Variants in ADAMTS19 observed in about 807,000 individuals in gnomAD.
The protein encoded by ADAMTS19 is ADAM metallopeptidase with thrombospondin type 1 motif 19, also known as A disintegrin and metalloproteinase with thrombospondin motifs 19.
ADAMTS19 carries 93 observed loss-of-function variants against 153.3 expected under a neutral mutation model. The ratio of observed to expected loss-of-function variants is 0.61; its 90% CI spans 0.51 to 0.72. The LOEUF (loss-of-function observed/expected upper bound fraction) is 0.72, where lower values mean the gene tolerates loss of function less well. Among genes scored for constraint, ADAMTS19 ranks in the 30% least tolerant of loss-of-function variants. The pLI is 0.00. For synonymous variants in ADAMTS19, 600 were observed against 556.6 expected (o/e 1.08, Z -1.10); for missense variants, 1,482 against 1,552.1 (o/e 0.95, Z 0.76).
chr5:129,473,159 T>C (rs114959522), intron 2 of ADAMTS19, among the ~76,000 whole-genome samples: 1 of 150,432 alleles, frequency 6.6e-6, no homozygotes, highest in Non-Finnish European at 1.5e-5. Flanking sequence ...TATTTGGATG[T>C]CAAATGTCCT....
chr5:129,734,836 A>T, intron 21 of ADAMTS19, 96 bp from the exon 22 acceptor site: 2 of 1,109,714 alleles, frequency 1.8e-6, no homozygotes, highest in Non-Finnish European at 2.4e-6. Context: ...ATTTAATTTT[A>T]AGAAACATTT....
intron 20 of ADAMTS19, among the ~76,000 whole-genome samples, chr5:129,702,945 T>A (rs2545713): frequency 0.37 from 11,530 of 31,050 alleles, 782 homozygotes; most frequent in Non-Finnish European, 0.46. Context: ...AAAAAAAATA[T>A]ATATATATAT....
chr5:129,521,760 G>A (rs1369852274), intron 3 of ADAMTS19, among the ~76,000 whole-genome samples: 1 of 152,112 alleles, frequency 6.6e-6, no homozygotes, highest in Non-Finnish European at 1.5e-5. Flanking sequence ...TTACTACTCA[G>A]TCACATAATT....
intron 21 of ADAMTS19, among the ~76,000 whole-genome samples, chr5:129,727,641 A>C (rs1252375709): frequency 2.6e-5 from 4 of 152,204 alleles, no homozygotes; most frequent in African/African-American, 7.2e-5. Flanking sequence ...AACCGTAGAC[A>C]GTAGACAGTT....
chr5:129,532,494 G>C (rs1190689717), intron 6 of ADAMTS19, among the ~76,000 whole-genome samples: 1 of 152,054 alleles, frequency 6.6e-6, no homozygotes, highest in Non-Finnish European at 1.5e-5. Context: ...TTGTTGGTGG[G>C]ATTATAAAAT....
At chr5:129,604,303 C>G (rs879785525) in intron 8 of ADAMTS19, among the ~76,000 whole-genome samples, 2 of 152,142 alleles carry the variant, frequency 1.3e-5, no homozygotes, top group Admixed American at 6.5e-5. Context: ...GTTCCTTTAC[C>G]TGGAGTATAC....
intron 8 of ADAMTS19, among the ~76,000 whole-genome samples, chr5:129,620,125 T>C (rs1280011975): frequency 6.6e-6 from 1 of 151,900 alleles, no homozygotes; most frequent in Non-Finnish European, 1.5e-5. Context: ...CAGGATAATT[T>C]GTGCTATATG....
intron 6 of ADAMTS19, among the ~76,000 whole-genome samples, chr5:129,534,391 G>A (rs969339022): frequency 2.0e-4 from 31 of 152,086 alleles, no homozygotes; most frequent in Non-Finnish European, 4.0e-4. Flanking sequence ...TTGAATCTCT[G>A]AATAGACCAA....
chr5:129,533,637 C>T (rs1752296306), intron 6 of ADAMTS19, among the ~76,000 whole-genome samples: 1 of 152,086 alleles, frequency 6.6e-6, no homozygotes, highest in Non-Finnish European at 1.5e-5. Flanking sequence ...CTTCTGCTAG[C>T]TTTTGAATGT....
chr5:129,628,194 T>C (rs1353609735), intron 10 of ADAMTS19, among the ~76,000 whole-genome samples: 2 of 151,958 alleles, frequency 1.3e-5, no homozygotes, highest in African/African-American at 2.4e-5. Flanking sequence ...AGCAAACTTA[T>C]GCAGGAACAA....
At chr5:129,710,123 T>TC (rs369825222) in intron 21 of ADAMTS19, among the ~76,000 whole-genome samples, 72 of 152,208 alleles carry the variant, frequency 4.7e-4, no homozygotes, top group African/African-American at 1.7e-3. Flanking sequence ...ATGCTCTTCC[T>TC]CCCCCTGCCT....
At chr5:129,496,726 C>A (rs1032453592) in intron 2 of ADAMTS19, among the ~76,000 whole-genome samples, 1 of 152,048 alleles carries the variant, frequency 6.6e-6, no homozygotes, top group Non-Finnish European at 1.5e-5. Flanking sequence ...GCTGCAAAGG[C>A]TCATCACCAT....
intron 21 of ADAMTS19, among the ~76,000 whole-genome samples, chr5:129,732,115 C>T (rs1414047713): frequency 6.6e-6 from 1 of 152,054 alleles, no homozygotes; most frequent in Admixed American, 6.6e-5. Context: ...CAAATATGTT[C>T]TTTGCAAAAT....
intron 16 of ADAMTS19, among the ~76,000 whole-genome samples, chr5:129,677,826 C>T (rs531298757): frequency 3.9e-5 from 6 of 151,972 alleles, no homozygotes; most frequent in Non-Finnish European, 8.8e-5. Context: ...TCCCCCCCAC[C>T]CCGCCAGACC....
intron 14 of ADAMTS19, among the ~76,000 whole-genome samples, chr5:129,655,752 A>G (rs1753520763): frequency 6.6e-6 from 1 of 152,210 alleles, no homozygotes; most frequent in Non-Finnish European, 1.5e-5. Flanking sequence ...AGAAGCTGGG[A>G]ACAACACGAA....
At chr5:129,731,637 C>T (rs964988985) in intron 21 of ADAMTS19, among the ~76,000 whole-genome samples, 2 of 151,960 alleles carry the variant, frequency 1.3e-5, no homozygotes, top group African/African-American at 4.8e-5. Context: ...GTGCAGAATG[C>T]TTCTTGTGCT....
At chr5:129,539,297 A>C (rs1452930617) in intron 6 of ADAMTS19, among the ~76,000 whole-genome samples, 1 of 152,116 alleles carries the variant, frequency 6.6e-6, no homozygotes, top group Non-Finnish European at 1.5e-5. Flanking sequence ...GCAGAAGTTC[A>C]AAGTCAGAGA....
At chr5:129,628,259 C>A (rs930284835) in intron 10 of ADAMTS19, among the ~76,000 whole-genome samples, 1 of 151,934 alleles carries the variant, frequency 6.6e-6, no homozygotes, top group Non-Finnish European at 1.5e-5. Flanking sequence ...AATAAGAACT[C>A]ATGAACACAA....
chr5:129,728,295 A>G (rs1033713054), intron 21 of ADAMTS19, among the ~76,000 whole-genome samples: 12 of 152,168 alleles, frequency 7.9e-5, no homozygotes, highest in Non-Finnish European at 1.5e-4. Context: ...AATAACTATA[A>G]GTATACTAAA....
Sources: allele counts gnomAD v4.1 joint callset (sites outside exome capture counted in the v4.1 genomes callset), GRCh38; gene constraint gnomAD v4.1.1; transcripts MANE v1.5; gene names NCBI Gene and HGNC (gene_info 2026-07-23, HGNC 2026-07-21).